The following USP48 variants were observed in gnomAD, a reference collection of about 807,000 sequenced individuals.
USP48 encodes ubiquitin specific peptidase 48, also known as ubiquitin carboxyl-terminal hydrolase 48.
A neutral mutation model predicts 150.7 loss-of-function variants in USP48; 43 were observed. The ratio of observed to expected loss-of-function variants is 0.29; its 90% CI spans 0.22 to 0.37. USP48 has a LOEUF of 0.37. USP48 is among the 10% of genes least tolerant of loss of function. The probability of loss-of-function intolerance (pLI) is 1.00; values close to 1 mark genes in which losing one functional copy is unlikely to be tolerated. For synonymous variants in USP48, 396 were observed against 425.9 expected, an observed-to-expected ratio of 0.93 and a Z score of 0.86; for missense variants, 813 against 1,249.6, an observed-to-expected ratio of 0.65 and a Z score of 5.27.
intron 23 of USP48, among the ~76,000 whole-genome samples, chr1:21,690,745 T>G (rs1571707214): frequency 6.6e-6 from 1 of 152,008 alleles, no homozygotes; most frequent in Admixed American, 6.6e-5. Context: ...CCCAGGCTGG[T>G]CTCGAATTCT....
chr1:21,740,901 G>C (rs1428681232), intron 8 of USP48, among the ~76,000 whole-genome samples: 1 of 152,232 alleles, frequency 6.6e-6, no homozygotes. Flanking sequence ...TTTAACCTCA[G>C]ATCAGGTTGA....
chr1:21,782,946 C>T lies in USP48; in HGVS notation c.12G>A (p.Arg4=). The change falls in exon 1 of 27, where the codon CGG becomes CGA. Residue 4 remains arginine, a synonymous_variant. Coordinates refer to ENST00000308271, the MANE Select transcript of USP48 (RefSeq NM_032236.8). The stretch of plus-strand genomic sequence containing the variant: ...GCCAGGCCGCCTTCTCCAGCTGCAG[C>T]CGCGGGGCCATGGCCTTGGCCCCAG... MAP[R]LQLEKAAWRW... 1 of 1,545,548 alleles carries T rather than the reference C, an allele frequency of 6.5e-7. No individual in the cohort carries two copies.
chr1:21,728,443 T>A, intron 11 of USP48, 127 bp downstream of exon 11: 5 of 1,478,002 alleles, frequency 3.4e-6, no homozygotes, highest in Non-Finnish European at 4.5e-6. Context: ...ACTTTTAGAG[T>A]GTTTAAGCTG....
intron 24 of USP48, 69 bp downstream of exon 24, chr1:21,689,905 A>C: frequency 6.4e-7 from 1 of 1,568,174 alleles, no homozygotes; most frequent in Non-Finnish European, 8.7e-7. Flanking sequence ...CCACCATTTC[A>C]CACAGTTTAC....
chr1:21,706,326 G>A (rs955641210), intron 17 of USP48, 139 bp from the exon 18 acceptor site: 73 of 1,495,118 alleles, frequency 4.9e-5, no homozygotes, highest in Non-Finnish European at 6.5e-5. Flanking sequence ...AAAATAGCAG[G>A]CTGGAGTAAA....
rs567059369 is a variant in USP48, at chr1:21,715,832, G to C, written c.1895-375C>G. ...TTTCACCTACCTACACTTTTTGGGG[G>C]TGAACACAAAGCATTAAAGGCAAAT... On this transcript the variant is annotated intron_variant, in intron 14 of 26. Transcript: ENST00000308271. Among the ~76,000 whole-genome samples, 7 of 152,206 alleles carry C rather than the reference G, an allele frequency of 4.6e-5. 1 individual carries two copies. In the South Asian group the frequency reaches 1.0e-3, roughly 23 times the overall value.
intron 8 of USP48, among the ~76,000 whole-genome samples, chr1:21,739,422 G>C (rs1469901232): frequency 1.4e-5 from 2 of 148,090 alleles, no homozygotes; most frequent in Non-Finnish European, 3.0e-5. Context: ...AGGAAGCTGA[G>C]GCAGGAAAAC....
chr1:21,739,943 G>C (rs56245815), intron 8 of USP48, among the ~76,000 whole-genome samples: 149,396 of 152,336 alleles, frequency 0.98, 73,312 homozygotes, highest in Non-Finnish European at 1. Context: ...ATGGAGTTTG[G>C]TCTTGTTGCC....
chr1:21,683,117 C>T (rs1392614775), intron 25 of USP48, among the ~76,000 whole-genome samples: 1 of 152,034 alleles, frequency 6.6e-6, no homozygotes, highest in Admixed American at 6.6e-5. Flanking sequence ...AAAAGTTAGC[C>T]AGGCATGGTG....
At chr1:21,753,279 C>T (rs1186695370) in intron 3 of USP48, among the ~76,000 whole-genome samples, 160 bp from the exon 4 acceptor site, 1 of 152,152 alleles carries the variant, frequency 6.6e-6, no homozygotes, top group Non-Finnish European at 1.5e-5. Flanking sequence ...AGGCTGAGCA[C>T]GGTGGCTCAT....
intron 15 of USP48, among the ~76,000 whole-genome samples, chr1:21,711,694 G>A (rs979717218): frequency 4.6e-5 from 7 of 152,130 alleles, no homozygotes; most frequent in Non-Finnish European, 8.8e-5. Flanking sequence ...CTGGGGCTCC[G>A]AACTAGTGAA....
At chr1:21,782,418 T>C (rs2097916882) in intron 1 of USP48, among the ~76,000 whole-genome samples, 1 of 152,030 alleles carries the variant, frequency 6.6e-6, no homozygotes, top group African/African-American at 2.4e-5. Flanking sequence ...ACAAAAATAA[T>C]ACTAAGATGA....
chr1:21,757,873 C>T, intron 1 of USP48, 90 bp from the exon 2 acceptor site: 2 of 1,426,706 alleles, frequency 1.4e-6, no homozygotes, highest in Non-Finnish European at 1.8e-6. Context: ...TACCACTTCT[C>T]ATCTATAAAT....
chr1:21,687,023 T>C (rs1281087440), intron 25 of USP48, 168 bp downstream of exon 25: 4 of 654,636 alleles, frequency 6.1e-6, no homozygotes, highest in African/African-American at 1.8e-5. Context: ...GTAGATATCT[T>C]TCCCTCCTTT....
chr1:21,776,592 C>CAAAAAAAAAAA (rs59309344), intron 1 of USP48, among the ~76,000 whole-genome samples: 1 of 58,012 alleles, frequency 1.7e-5, no homozygotes, highest in Admixed American at 2.8e-4. Context: ...TGTCTTGTCT[C>CAAAAAAAAAAA]AAAAAAAAAA....
At chr1:21,681,945 C>A (rs1054600181) in intron 25 of USP48, among the ~76,000 whole-genome samples, 2 of 152,222 alleles carry the variant, frequency 1.3e-5, no homozygotes, top group Non-Finnish European at 2.9e-5. Flanking sequence ...AAGCTCGCAT[C>A]CCACCACTCC....
chr1:21,698,139 G>GAGAT (rs2097642895), intron 22 of USP48, among the ~76,000 whole-genome samples: 1 of 152,152 alleles, frequency 6.6e-6, no homozygotes, highest in Non-Finnish European at 1.5e-5. Context: ...TCTTTGTACT[G>GAGAT]AGATATGTGA....
intron 24 of USP48, 82 bp from the exon 25 acceptor site, chr1:21,687,321 G>A: frequency 7.8e-7 from 1 of 1,283,880 alleles, no homozygotes; most frequent in East Asian, 2.5e-5. Context: ...TTCAACTACT[G>A]ATATTGCTAT....
At chr1:21,703,464 AG>A (rs2097663142) in intron 21 of USP48, 47 bp downstream of exon 21, 1 of 1,466,406 alleles carries the variant, frequency 6.8e-7, no homozygotes. Context: ...ATCAAGCCAA[AG>A]AGCACGCTTG....
Sources: allele counts gnomAD v4.1 joint callset (sites outside exome capture counted in the v4.1 genomes callset), GRCh38; gene constraint gnomAD v4.1.1; transcripts MANE v1.5; gene names NCBI Gene and HGNC (gene_info 2026-07-23, HGNC 2026-07-21).